Variants in PFKFB1 observed in about 807,000 individuals in gnomAD.
PFKFB1 encodes the protein 6-phosphofructo-2-kinase/fructose-2,6-biphosphatase 1.
Under a neutral mutation model 46.4 loss-of-function variants are expected in PFKFB1, and 34 were observed. The ratio of observed to expected loss-of-function variants is 0.73; its 90% CI spans 0.56 to 0.98. The LOEUF (loss-of-function observed/expected upper bound fraction) is 0.98. PFKFB1 is among the 50% of genes least tolerant of loss of function. The pLI, the probability that PFKFB1 is intolerant of heterozygous loss-of-function variation, is 0.00. For missense variants in PFKFB1, 393 were observed against 376.3 expected, an observed-to-expected ratio of 1.04 and a Z score of -0.37; for synonymous variants, 119 against 133.8, an observed-to-expected ratio of 0.89 and a Z score of 0.76.
At chrX:54,952,508 T>A (rs774561359) in intron 7 of PFKFB1, among the ~76,000 whole-genome samples, 70 of 109,823 alleles carry the variant, frequency 6.4e-4, no homozygotes, top group Non-Finnish European at 1.2e-3. Context: ...ACTTGTTCAC[T>A]CCTCTACCCT....
At chrX:54,983,576 C>T (rs1300110961) in intron 1 of PFKFB1, among the ~76,000 whole-genome samples, 1 of 112,167 alleles carries the variant, frequency 8.9e-6, no homozygotes, top group East Asian at 2.8e-4. Flanking sequence ...CACTGATGGA[C>T]ATTTAGGTTG....
intron 1 of PFKFB1, among the ~76,000 whole-genome samples, chrX:54,980,369 T>TA (rs935774490): frequency 4.7e-5 from 5 of 106,674 alleles, no homozygotes; most frequent in African/African-American, 1.7e-4. Flanking sequence ...AGTGGCAAAG[T>TA]AAAAAACAAT....
At position 54,970,220 on chromosome X, in the gene PFKFB1, T is replaced by C. The variant is rs757717482; in HGVS notation, c.98-6838A>G. Among the ~76,000 whole-genome samples, 10 of 111,831 alleles carry C rather than the reference T, an allele frequency of 8.9e-5. No homozygotes were observed. In the East Asian group the frequency reaches 2.5e-3, roughly 28 times the overall value. On this transcript the variant is annotated intron_variant, in intron 1 of 13. Coordinates refer to ENST00000375006, the MANE Select transcript of PFKFB1 (RefSeq NM_002625.4). Reference sequence around the variant, plus strand: ...CACTGCAGCCGGCCCAAAATCTATTTTTAAAAACCTTTCTAGTACCAATAA... The same window carrying C: ...CACTGCAGCCGGCCCAAAATCTATTCTTAAAAACCTTTCTAGTACCAATAA...
chrX:54,998,617 G>A (rs768055452), upstream of PFKFB1: 98 of 422,636 alleles, frequency 2.3e-4, no homozygotes, highest in South Asian at 2.8e-3. Flanking sequence ...TGCCAAAGAC[G>A]TTCCTGAGCC....
chrX:54,978,002 A>C (rs931220126), intron 1 of PFKFB1, among the ~76,000 whole-genome samples: 2 of 110,769 alleles, frequency 1.8e-5, no homozygotes, highest in African/African-American at 3.3e-5. Context: ...CAATGTGTCA[A>C]TGTAGGTTCA....
chrX:54,939,621 G>A (rs1327337469), intron 10 of PFKFB1, among the ~76,000 whole-genome samples: 1 of 111,850 alleles, frequency 8.9e-6, no homozygotes, highest in Non-Finnish European at 1.9e-5. Flanking sequence ...ACACCTCTAC[G>A]CAAATAAACT....
chrX:54,963,237 A>G lies in PFKFB1; in HGVS notation c.223+20T>C, dbSNP rs1934370914. 8.3e-7 allele frequency: 1 copy of G among 1,208,131 alleles called. No individual in the cohort carries two copies. The highest frequency in any genetic ancestry group is 1.1e-6 in the Non-Finnish European group (1 of 893,337). ...AGTAGCTTTTATGGGGTTGTTGAACAAAGGCTTTCAGAGACATACCTTTAG... is the reference window on the plus strand; with the variant it reads ...AGTAGCTTTTATGGGGTTGTTGAACGAAGGCTTTCAGAGACATACCTTTAG... On this transcript the variant is annotated intron_variant, in intron 2 of 13. Coordinates refer to ENST00000375006, the MANE Select transcript of PFKFB1 (RefSeq NM_002625.4).
chrX:54,934,672 C>G (rs1223918871), intron 12 of PFKFB1, among the ~76,000 whole-genome samples: 1 of 112,380 alleles, frequency 8.9e-6, no homozygotes, highest in African/African-American at 3.2e-5. Flanking sequence ...CCTCTGGTCC[C>G]CTTTGGGGAA....
intron 1 of PFKFB1, among the ~76,000 whole-genome samples, chrX:54,988,408 C>T (rs1213458989): frequency 7.2e-5 from 8 of 111,569 alleles, no homozygotes; most frequent in Non-Finnish European, 1.1e-4. Context: ...TATTCCCTAA[C>T]TAATCTATAG....
chrX:54,949,331 C>T, intron 8 of PFKFB1, 110 bp from the exon 9 acceptor site: 1 of 558,667 alleles, frequency 1.8e-6, no homozygotes, highest in Admixed American at 3.9e-5. Context: ...TGGTGATGAA[C>T]AAGCAGAGCA....
intron 1 of PFKFB1, among the ~76,000 whole-genome samples, chrX:54,986,346 G>GT (rs1437180890): frequency 8.9e-6 from 1 of 112,060 alleles, no homozygotes; most frequent in East Asian, 2.8e-4. Context: ...GTAAAATAAC[G>GT]TAAGTAATAC....
chrX:54,996,554 C>G (rs150124161), upstream of PFKFB1, among the ~76,000 whole-genome samples: 1 of 112,093 alleles, frequency 8.9e-6, no homozygotes, highest in Non-Finnish European at 1.9e-5. Context: ...GCTTGAAAGC[C>G]TAACTTAAAA....
intron 7 of PFKFB1, among the ~76,000 whole-genome samples, chrX:54,955,570 C>T (rs933923018): frequency 9.0e-6 from 1 of 110,838 alleles, no homozygotes; most frequent in African/African-American, 3.3e-5. Context: ...ATTTATACCC[C>T]CTACATATAC....
At chrX:54,942,795 A>G (rs1671043120) in intron 10 of PFKFB1, among the ~76,000 whole-genome samples, 1 of 112,441 alleles carries the variant, frequency 8.9e-6, no homozygotes, top group African/African-American at 3.2e-5. Context: ...ATGCCATCAA[A>G]TATACAATGT....
In PFKFB1 at chrX:54,933,294, AG is replaced by A; in HGVS notation, c.*108del. The A allele has an allele frequency of 1.6e-6, 1 of 621,916 alleles. No individual in the cohort carries two copies. The highest frequency in any genetic ancestry group is 2.6e-6 in the Non-Finnish European group (1 of 379,917). 51.3% of individuals were successfully genotyped at this position (621,916 alleles called of 1,213,427 possible). The stretch of plus-strand genomic sequence containing the variant: ...AGTTGCGGAGGACTTCTTCACTGGA[AG>A]TGGGGTGCCTCAGTGAGGCCAAGGC... On this transcript the variant is annotated 3_prime_UTR_variant, in exon 14 of 14. Coordinates refer to ENST00000375006, the MANE Select transcript of PFKFB1 (RefSeq NM_002625.4).
At chrX:54,936,324 G>A (rs1933387651) in intron 11 of PFKFB1, among the ~76,000 whole-genome samples, 1 of 92,461 alleles carries the variant, frequency 1.1e-5, no homozygotes, top group East Asian at 3.3e-4. Flanking sequence ...TGCATTCTCA[G>A]TCACATCATC....
intron 10 of PFKFB1, among the ~76,000 whole-genome samples, chrX:54,944,746 AG>A (rs910102452): frequency 7.1e-5 from 8 of 112,137 alleles, no homozygotes; most frequent in African/African-American, 2.6e-4. Context: ...AAGGAAAATG[AG>A]GGCAAATTAA....
intron 3 of PFKFB1, 67 bp downstream of exon 3, chrX:54,960,757 C>G: frequency 1.4e-6 from 1 of 723,645 alleles, no homozygotes; most frequent in Non-Finnish European, 2.1e-6. Flanking sequence ...GCCCTACTCC[C>G]CCAATATCTG....
At position 54,957,928 on chromosome X, in the gene PFKFB1, G is replaced by A. The variant is rs756338944; in HGVS notation, c.516+378C>T. Among the ~76,000 whole-genome samples, 3 of 111,589 alleles carry A rather than the reference G, an allele frequency of 2.7e-5. No homozygotes were observed. The East Asian group carries it at 8.6e-4, about 32-fold the overall frequency. ...AAAATGTAGGCTTTTGAGGCAGACA[G>A]CCAAGCCTGAGGTCCAGTCCCACTT... On this transcript the variant is annotated intron_variant, in intron 6 of 13. Transcript: ENST00000375006.
Sources: gnomAD v4.1 joint callset for allele counts (sites outside exome capture counted in the v4.1 genomes callset) on GRCh38, gnomAD v4.1.1 for gene constraint, MANE v1.5 for transcripts, NCBI Gene and HGNC (gene_info 2026-07-23, HGNC 2026-07-21) for gene names.